ADAMTS6: variants seen among roughly 807,000 people sequenced by gnomAD.
The protein encoded by ADAMTS6 is ADAM metallopeptidase with thrombospondin type 1 motif 6.
In ADAMTS6, 23 loss-of-function variants were observed where a neutral mutation model predicts 144.3. The observed-to-expected ratio is 0.16, with a 90% CI of 0.11 to 0.23. The LOEUF (loss-of-function observed/expected upper bound fraction) is 0.23, where lower values mean the gene tolerates loss of function less well. Among genes scored for constraint, ADAMTS6 ranks in the 10% least tolerant of loss-of-function variants. ADAMTS6 has a pLI of 1.00. For synonymous variants in ADAMTS6, 444 were observed against 457.5 expected (o/e 0.97, Z 0.38); for missense variants, 999 against 1,379.6 (o/e 0.72, Z 4.37).
At chr5:65,173,939 C>T (rs922450028) in intron 22 of ADAMTS6, among the ~76,000 whole-genome samples, 1 of 151,238 alleles carries the variant, frequency 6.6e-6, no homozygotes, top group African/African-American at 2.4e-5. Context: ...AGGAGAAGTG[C>T]TTGAACCAGG....
chr5:65,399,120 G>A (rs941886948), intron 7 of ADAMTS6, among the ~76,000 whole-genome samples: 6 of 152,082 alleles, frequency 3.9e-5, no homozygotes, highest in Admixed American at 1.3e-4. Context: ...AGCTGGGCGC[G>A]GTGGTGGGCG....
At chr5:65,234,191 A>T (rs901709600) in intron 15 of ADAMTS6, among the ~76,000 whole-genome samples, 1 of 151,980 alleles carries the variant, frequency 6.6e-6, no homozygotes, top group African/African-American at 2.4e-5. Flanking sequence ...AGAAGAAAAC[A>T]TAAGGGCAAA....
chr5:65,222,648 A>C (rs1316214938), intron 18 of ADAMTS6, among the ~76,000 whole-genome samples: 2 of 152,124 alleles, frequency 1.3e-5, no homozygotes, highest in African/African-American at 4.8e-5. Context: ...CATAGGTATC[A>C]GTCGTAGTAT....
chr5:65,318,688 A>G (rs1426410949), intron 9 of ADAMTS6, among the ~76,000 whole-genome samples: 2 of 152,042 alleles, frequency 1.3e-5, no homozygotes, highest in Admixed American at 6.6e-5. Context: ...AAAACAATTG[A>G]ACTTATGGAC....
intron 20 of ADAMTS6, among the ~76,000 whole-genome samples, chr5:65,207,041 A>G (rs1054025366): frequency 2.0e-5 from 3 of 152,222 alleles, no homozygotes; most frequent in Admixed American, 6.5e-5. Flanking sequence ...ACATTCCTGT[A>G]TAATCATTTA....
At position 65,337,709 on chromosome 5, in the gene ADAMTS6, T is replaced by G. The variant is rs185166454; in HGVS notation, c.1074-3624A>C. On this transcript the variant is annotated intron_variant, in intron 7 of 24. Coordinates refer to ENST00000381055, the MANE Select transcript of ADAMTS6 (RefSeq NM_197941.4). ...TTCACTAACTTCACACCCTCTTTCT[T>G]TCTTTTACCTAACTTTCTCATTTTT... 1.0e-3 allele frequency among the ~76,000 whole-genome samples: 154 copies of G among 152,246 alleles called. 1 individual carries two copies. The highest frequency in any genetic ancestry group is 3.6e-3 in the African/African-American group (149 of 41,556).
At chr5:65,326,269 T>A (rs1287423377) in intron 9 of ADAMTS6, among the ~76,000 whole-genome samples, 2 of 152,222 alleles carry the variant, frequency 1.3e-5, no homozygotes, top group Non-Finnish European at 2.9e-5. Context: ...AATTAATTTT[T>A]AAAATCTTTC....
chr5:65,418,088 T>C lies in ADAMTS6; in HGVS notation c.1073+33387A>G, dbSNP rs1171538832. 2.6e-5 allele frequency among the ~76,000 whole-genome samples: 4 copies of C among 152,160 alleles called. No homozygotes were observed. The East Asian group carries it at 7.7e-4, about 29-fold the overall frequency. ...CTGCACACCTACAACCACCTGATCG[T>C]CAACAAAATCAATGAAAATAAGCAA... On this transcript the variant is annotated intron_variant, in intron 7 of 24. Transcript: ENST00000381055.
At chr5:65,162,620 TACAC>T (rs10529076) in intron 24 of ADAMTS6, among the ~76,000 whole-genome samples, 43,456 of 145,772 alleles carry the variant, frequency 0.3, 6,610 homozygotes, top group Middle Eastern at 0.39. Context: ...TATAAGATAC[TACAC>T]ACACACACAC....
chr5:65,273,452 G>C lies in ADAMTS6; in HGVS notation c.1513-5C>G, dbSNP rs768944462. On this transcript the variant is annotated splice_polypyrimidine_tract_variant and splice_region_variant and intron_variant, in intron 11 of 24. Coordinates refer to ENST00000381055, the MANE Select transcript of ADAMTS6 (RefSeq NM_197941.4). ...CCAGAGCTCTCTACACACTTCCTAG[G>C]AAAGAAGGCAAAAGCAAGTTGATCA... is the stretch of plus-strand genomic sequence containing the variant. 6.2e-7 allele frequency: 1 copy of C among 1,610,226 alleles called. No homozygotes were observed. Among genetic ancestry groups the C allele is most frequent in the Non-Finnish European group, 8.5e-7 (1 of 1,176,910 alleles).
intron 7 of ADAMTS6, among the ~76,000 whole-genome samples, chr5:65,437,390 G>A (rs773091853): frequency 3.3e-5 from 5 of 152,110 alleles, no homozygotes; most frequent in East Asian, 1.9e-4. Flanking sequence ...CACCACACTC[G>A]GCCCCGGAAA....
chr5:65,174,695 T>G (rs11749555), intron 22 of ADAMTS6, among the ~76,000 whole-genome samples: 112,979 of 152,030 alleles, frequency 0.74, 42,547 homozygotes, highest in African/African-American at 0.85. Flanking sequence ...TTTGGTTTTG[T>G]TTTTGACCTG....
chr5:65,406,001 C>A (rs1264202083), intron 7 of ADAMTS6, among the ~76,000 whole-genome samples: 7 of 152,124 alleles, frequency 4.6e-5, no homozygotes, highest in Admixed American at 2.6e-4. Context: ...GATTTTGTAT[C>A]CTGAGACTTT....
chr5:65,436,793 G>T (rs1757449801), intron 7 of ADAMTS6, among the ~76,000 whole-genome samples: 1 of 151,444 alleles, frequency 6.6e-6, no homozygotes, highest in South Asian at 2.1e-4. Context: ...AGGAGACGGA[G>T]ATTGCAGTGG....
At chr5:65,421,477 C>T (rs1279306473) in intron 7 of ADAMTS6, among the ~76,000 whole-genome samples, 2 of 152,176 alleles carry the variant, frequency 1.3e-5, no homozygotes, top group South Asian at 2.1e-4. Context: ...TACCTTGATG[C>T]TTTGGTCTCA....
intron 24 of ADAMTS6, among the ~76,000 whole-genome samples, chr5:65,157,011 G>A (rs1311286370): frequency 6.6e-6 from 1 of 152,240 alleles, no homozygotes. Context: ...GACTTCTGGT[G>A]GGAATGACTT....
rs1758734948 is a variant in ADAMTS6 at position 65,451,468 on chromosome 5, A to G, written c.1073+7T>C. ...ATCAATGGAAAAATACTTGCAACAA[A>G]CCATACCTAGTAATAAGAACTGCAT... is the stretch of plus-strand genomic sequence containing the variant. On this transcript the variant is annotated splice_region_variant and intron_variant, in intron 7 of 24. Transcript: ENST00000381055. The G allele has an allele frequency of 1.9e-6, 3 of 1,612,988 alleles. No individual in the cohort carries two copies. Among genetic ancestry groups the G allele is most frequent in the Non-Finnish European group, 2.5e-6 (3 of 1,179,656 alleles).
At chr5:65,426,777 G>A (rs1756572026) in intron 7 of ADAMTS6, among the ~76,000 whole-genome samples, 1 of 151,812 alleles carries the variant, frequency 6.6e-6, no homozygotes, top group South Asian at 2.1e-4. Flanking sequence ...TCAAACATAT[G>A]TCAAAAGAGA....
At chr5:65,425,397 A>G (rs1756426446) in intron 7 of ADAMTS6, among the ~76,000 whole-genome samples, 1 of 152,174 alleles carries the variant, frequency 6.6e-6, no homozygotes, top group South Asian at 2.1e-4. Context: ...TTTCTATCCT[A>G]ACATCCTACC....
Sources: gnomAD v4.1 joint callset for allele counts (sites outside exome capture counted in the v4.1 genomes callset) on GRCh38, gnomAD v4.1.1 for gene constraint, MANE v1.5 for transcripts, NCBI Gene and HGNC (gene_info 2026-07-23, HGNC 2026-07-21) for gene names.